Variants in AGO3 observed in about 807,000 individuals in gnomAD.
AGO3 encodes the protein argonaute RISC catalytic component 3, also known as protein argonaute-3.
Under a neutral mutation model 105.5 loss-of-function variants are expected in AGO3, and 16 were observed. The observed-to-expected ratio is 0.15, with a 90% CI of 0.10 to 0.23. The LOEUF is 0.23. Among genes scored for constraint, AGO3 ranks in the 10% least tolerant of loss-of-function variants. The pLI is 1.00. For synonymous variants in AGO3, 340 were observed against 367.3 expected (o/e 0.93, Z 0.85); for missense variants, 534 against 1,088.0 (o/e 0.49, Z 7.16).
At chr1:36,051,950 C>T (rs1642733140) in intron 17 of AGO3, among the ~76,000 whole-genome samples, 1 of 152,086 alleles carries the variant, frequency 6.6e-6, no homozygotes, top group African/African-American at 2.4e-5. Flanking sequence ...AAGGGGAACT[C>T]ATATGCACTA....
upstream of AGO3, chr1:35,930,754 C>T (rs986195765): frequency 6.4e-6 from 1 of 156,030 alleles, no homozygotes; most frequent in African/African-American, 2.4e-5. Context: ...GGGCTCGGCT[C>T]GGGGCCTCCG....
At chr1:35,969,200 ATATTCTGGATATTAACTTCTG>A (rs1323447464) in intron 3 of AGO3, among the ~76,000 whole-genome samples, 1 of 151,914 alleles carries the variant, frequency 6.6e-6, no homozygotes, top group East Asian at 1.9e-4. Flanking sequence ...TTCTTTATAT[ATATTCTGGATATTAACTTCTG>A]TATTCTGGAT....
chr1:36,018,050 G>A (rs1025565260), intron 11 of AGO3, among the ~76,000 whole-genome samples: 2 of 148,190 alleles, frequency 1.3e-5, no homozygotes, highest in South Asian at 2.3e-4. Context: ...GCATGATCTC[G>A]GCTCACTGCA....
intron 9 of AGO3, among the ~76,000 whole-genome samples, chr1:36,010,906 A>G (rs1379706191): frequency 6.8e-6 from 1 of 147,340 alleles, no homozygotes; most frequent in East Asian, 2.0e-4. Context: ...AACTCTGTCA[A>G]AAAAAAAAAA....
At chr1:35,933,640 C>T (rs1382750416) in intron 1 of AGO3, among the ~76,000 whole-genome samples, 1 of 31,388 alleles carries the variant, frequency 3.2e-5, no homozygotes, top group Non-Finnish European at 7.1e-5. Flanking sequence ...GACCCTGTCT[C>T]AAAAAAAAAA....
In AGO3 at chr1:36,048,462, T is replaced by C. The variant is rs1415139985; in HGVS notation, c.2274+4914T>C. On this transcript the variant is annotated intron_variant, in intron 17 of 18. Coordinates refer to ENST00000373191, the MANE Select transcript of AGO3 (RefSeq NM_024852.4). ...GGCAAAAAGTCAATAATCATTATTA[T>C]GGAAACAACAGTATAAAACTCACTG... 3.9e-5 allele frequency among the ~76,000 whole-genome samples: 6 copies of C among 152,220 alleles called. No homozygotes were observed. The East Asian group carries it at 1.2e-3, about 29-fold the overall frequency.
chr1:36,036,142 T>C, intron 13 of AGO3, 35 bp from the exon 14 acceptor site: 1 of 1,589,644 alleles, frequency 6.3e-7, no homozygotes, highest in Non-Finnish European at 8.6e-7. Context: ...ACTGAAAAAA[T>C]GAAATATCTA....
chr1:36,001,853 C>T (rs1640099808), intron 5 of AGO3, among the ~76,000 whole-genome samples: 1 of 151,990 alleles, frequency 6.6e-6, no homozygotes, highest in African/African-American at 2.4e-5. Flanking sequence ...GAGGTTCAGA[C>T]TGGAGAGGGT....
At position 36,040,533 on chromosome 1, in the gene AGO3, G is replaced by T. The variant is rs184187651; in HGVS notation, c.2172+92G>T. ...AACAAGGGCCCTCTGCCAACAGCAG[G>T]ATTTCCAATATATAGTAGCAAATTT... On this transcript the variant is annotated intron_variant, in intron 16 of 18. Transcript: ENST00000373191. 27 of 1,391,948 alleles carry T rather than the reference G, an allele frequency of 1.9e-5. 1 individual carries two copies. In the African/African-American group the frequency reaches 3.0e-4, roughly 16 times the overall value. 86.2% of individuals were successfully genotyped at this position (1,391,948 alleles called of 1,614,324 possible).
intron 5 of AGO3, among the ~76,000 whole-genome samples, chr1:35,973,951 T>G (rs1214235424): frequency 6.6e-6 from 1 of 152,234 alleles, no homozygotes; most frequent in Non-Finnish European, 1.5e-5. Flanking sequence ...TTTTCAAGCT[T>G]ATGTAAAAAC....
rs1256001168 is a variant in AGO3 at position 36,008,169 on chromosome 1, T to G, written c.794-521T>G. On this transcript the variant is annotated intron_variant, in intron 6 of 18. Coordinates refer to ENST00000373191, the MANE Select transcript of AGO3 (RefSeq NM_024852.4). The surrounding 1 kb of genome is among the most constrained non-coding windows in gnomAD (Gnocchi z 5.1). ...TACCTCTATAAAAGTGTCACTTTGC[T>G]TCTGTTAAAAATGCCTGGAATTTTT... is the stretch of plus-strand genomic sequence containing the variant. Among the ~76,000 whole-genome samples, 2 of 152,226 alleles carry G rather than the reference T, an allele frequency of 1.3e-5. No homozygotes were observed. The highest frequency in any genetic ancestry group is 4.8e-5 in the African/African-American group (2 of 41,462).
Position 36,041,599 on chromosome 1 carries a change from G to A in AGO3, c.2172+1158G>A, listed in dbSNP as rs1338474509. Among the ~76,000 whole-genome samples, 10 of 152,108 alleles carry A rather than the reference G, an allele frequency of 6.6e-5. No individual in the cohort carries two copies. In the South Asian group the frequency reaches 1.4e-3, roughly 22 times the overall value. On this transcript the variant is annotated intron_variant, in intron 16 of 18. Transcript: ENST00000373191. ...CAGCAGTCTTACTGTCATTTTCAGT[G>A]CTCTGATCACATCTGCCCCCATCCT...
intron 11 of AGO3, among the ~76,000 whole-genome samples, chr1:36,020,173 C>T (rs1349732709): frequency 1.3e-5 from 2 of 152,180 alleles, no homozygotes; most frequent in Admixed American, 6.6e-5. Context: ...GCTGTCCAGT[C>T]TCTCTCCATG....
In AGO3 at chr1:36,008,597, G is replaced by C. The variant is rs1886343; in HGVS notation, c.794-93G>C. 12,727 of 1,222,264 alleles carry C rather than the reference G, an allele frequency of 0.01. 962 individuals are homozygous for C. The African/African-American group carries it at 0.17, about 16-fold the overall frequency. The allele number at this position is 1,222,264 out of a possible 1,614,324, so 75.7% of individuals were successfully genotyped here. A position where few individuals can be genotyped will look rare whatever the true frequency, so the allele number is the denominator to read the frequency against. On this transcript the variant is annotated intron_variant, in intron 6 of 18. Transcript: ENST00000373191. The surrounding 1 kb of genome is among the most constrained non-coding windows in gnomAD (Gnocchi z 5.1). ...TATCACAGAATTTTTTGTCTGTTCA[G>C]AATTGAGTTTTTATGGTAATGAACA...
At chr1:36,019,743 A>G (rs1641114121) in intron 11 of AGO3, among the ~76,000 whole-genome samples, 1 of 150,960 alleles carries the variant, frequency 6.6e-6, no homozygotes, top group African/African-American at 2.5e-5. Flanking sequence ...CAGTCACAAC[A>G]CCAATATATA....
intron 9 of AGO3, among the ~76,000 whole-genome samples, chr1:36,010,527 C>A (rs1640552414): frequency 6.6e-6 from 1 of 151,414 alleles, no homozygotes; most frequent in African/African-American, 2.4e-5. Flanking sequence ...TAACTTGAAC[C>A]TGGGAGGCAG....
intron 12 of AGO3, 139 bp from the exon 13 acceptor site, chr1:36,034,035 G>A: frequency 1.4e-6 from 1 of 690,282 alleles, no homozygotes; most frequent in Admixed American, 4.0e-5. Flanking sequence ...CATCGCCTTA[G>A]TACTGTATTG....
intron 5 of AGO3, among the ~76,000 whole-genome samples, chr1:35,997,565 T>G (rs1639886911): frequency 6.6e-6 from 1 of 152,194 alleles, no homozygotes; most frequent in African/African-American, 2.4e-5. Context: ...TCTGAGCACA[T>G]TTAAGGTAGG....
rs1457138186 is a variant in AGO3, at chr1:36,071,420, C to G, written c.*15675C>G. ...CTATTTGTATTGCAGATGTGAACTA[C>G]TATTTTTGGAGGTTGATATCAGTAT... On this transcript the variant is annotated 3_prime_UTR_variant, in exon 19 of 19. Coordinates refer to ENST00000373191, the MANE Select transcript of AGO3 (RefSeq NM_024852.4). 2 of 152,110 alleles carry G rather than the reference C, an allele frequency of 1.3e-5. No homozygotes were observed. The allele number at this position is 152,110 out of a possible 1,614,324, so 9.4% of individuals were successfully genotyped here.
Sources: gnomAD v4.1 joint callset for allele counts (sites outside exome capture counted in the v4.1 genomes callset) on GRCh38, gnomAD v4.1.1 for gene constraint, Gnocchi (gnomAD v3.1) non-coding constraint, MANE v1.5 for transcripts, NCBI Gene and HGNC (gene_info 2026-07-23, HGNC 2026-07-21) for gene names.